Variants in PLPPR4 observed in about 807,000 individuals in gnomAD.
The protein encoded by PLPPR4 is phospholipid phosphatase related 4.
A neutral mutation model predicts 56.6 loss-of-function variants in PLPPR4; 24 were observed. The observed-to-expected ratio is 0.42, with a 90% CI of 0.31 to 0.60. PLPPR4 has a LOEUF of 0.60. PLPPR4 is among the 20% of genes least tolerant of loss of function. The pLI is 0.13. For missense variants in PLPPR4, 654 were observed against 885.8 expected, an observed-to-expected ratio of 0.74 and a Z score of 3.32; for synonymous variants, 326 against 328.1, an observed-to-expected ratio of 0.99 and a Z score of 0.07.
At chr1:99,282,103 T>C (rs779228081) in intron 1 of PLPPR4, among the ~76,000 whole-genome samples, 50 of 152,176 alleles carry the variant, frequency 3.3e-4, no homozygotes, top group Non-Finnish European at 6.3e-4. Flanking sequence ...CCTCTTACTT[T>C]AGTAACTAAG....
Position 99,308,431 on chromosome 1 carries a change from AT to A in PLPPR4, c.*1422del, listed in dbSNP as rs1660102470. 6.6e-6 allele frequency: 1 copy of A among 152,490 alleles called. No individual in the cohort carries two copies. The allele number at this position is 152,490 out of a possible 1,614,324, so 9.4% of individuals were successfully genotyped here. A position where few individuals can be genotyped will look rare whatever the true frequency, so the allele number is the denominator to read the frequency against. ...AACCAATACCATTGATAAGAAGAAGATAAAAACAAAATATTTTGGAGTGTTT... is the reference window on the plus strand; with the variant it reads ...AACCAATACCATTGATAAGAAGAAGAAAAAACAAAATATTTTGGAGTGTTT... On this transcript the variant is annotated 3_prime_UTR_variant, in exon 7 of 7. Coordinates refer to ENST00000370185, the MANE Select transcript of PLPPR4 (RefSeq NM_014839.5).
rs777656523 is a variant in PLPPR4, at chr1:99,307,057, T to A, written c.*47T>A. ...GGGCTACTCGCAAAAGACCATATGT[T>A]GATTCTACCTGTGTTCTGTTCCAGC... On this transcript the variant is annotated 3_prime_UTR_variant, in exon 7 of 7. Transcript: ENST00000370185. 1 of 1,534,990 alleles carries A rather than the reference T, an allele frequency of 6.5e-7. No individual in the cohort carries two copies. Among genetic ancestry groups the A allele is most frequent in the South Asian group, 1.3e-5 (1 of 79,306 alleles).
intron 1 of PLPPR4, among the ~76,000 whole-genome samples, chr1:99,274,877 A>C (rs1023877326): frequency 6.6e-6 from 1 of 152,184 alleles, no homozygotes; most frequent in Non-Finnish European, 1.5e-5. Context: ...TTCAATGCAA[A>C]TTAAATATCT....
At chr1:99,288,283 T>G (rs536201404) in intron 2 of PLPPR4, 133 bp downstream of exon 2, 1 of 689,832 alleles carries the variant, frequency 1.4e-6, no homozygotes, top group African/African-American at 1.8e-5. Flanking sequence ...CTTTGAGATA[T>G]ATTGACAGTA....
intron 4 of PLPPR4, among the ~76,000 whole-genome samples, chr1:99,300,521 G>C (rs1305646165): frequency 6.6e-6 from 1 of 152,006 alleles, no homozygotes; most frequent in Non-Finnish European, 1.5e-5. Flanking sequence ...GTGTTTAGGA[G>C]CATAGAAAAA....
At chr1:99,295,236 A>G (rs1204295665) in intron 2 of PLPPR4, among the ~76,000 whole-genome samples, 1 of 152,206 alleles carries the variant, frequency 6.6e-6, no homozygotes, top group Non-Finnish European at 1.5e-5. Context: ...TTCTACTATG[A>G]TAATTACTCT....
chr1:99,287,921 A>G (rs1570915684), intron 1 of PLPPR4, 44 bp from the exon 2 acceptor site: 2 of 1,499,606 alleles, frequency 1.3e-6, no homozygotes, highest in Non-Finnish European at 9.2e-7. Context: ...TATGCCCTGT[A>G]TATCAGGTAG....
intron 1 of PLPPR4, among the ~76,000 whole-genome samples, chr1:99,270,042 TGTGGC>T: frequency 7.2e-6 from 1 of 138,386 alleles, no homozygotes; most frequent in East Asian, 2.2e-4. Context: ...TGTGTGTGTG[TGTGGC>T]AGGGTCTTGC....
intron 2 of PLPPR4, among the ~76,000 whole-genome samples, chr1:99,295,302 T>G (rs1659715688): frequency 6.6e-6 from 1 of 152,202 alleles, no homozygotes; most frequent in African/African-American, 2.4e-5. Context: ...CCATATTCCC[T>G]ACAGAAGTAA....
chr1:99,304,159 C>T (rs1193604964), intron 6 of PLPPR4, among the ~76,000 whole-genome samples: 1 of 152,096 alleles, frequency 6.6e-6, no homozygotes, highest in Non-Finnish European at 1.5e-5. Context: ...ACCATGGACC[C>T]CATATATAAT....
rs1031940346 is a variant in PLPPR4, at chr1:99,277,403, C to T, written c.79-10562C>T. On this transcript the variant is annotated intron_variant, in intron 1 of 6. Transcript: ENST00000370185. The stretch of plus-strand genomic sequence containing the variant: ...TTCAGTCAGAATTGTGTAAGCTGAA[C>T]CAAGTGAGAGGTCTATGTTGTTGGC... Among the ~76,000 whole-genome samples the T allele has an allele frequency of 7.2e-5, 11 of 152,232 alleles. No individual in the cohort carries two copies. The South Asian group carries it at 2.1e-3, about 29-fold the overall frequency.
chr1:99,283,084 C>T (rs926077011), intron 1 of PLPPR4, among the ~76,000 whole-genome samples: 1 of 151,434 alleles, frequency 6.6e-6, no homozygotes, highest in African/African-American at 2.4e-5. Context: ...TTTATCATAA[C>T]TGTATTCCCA....
intron 6 of PLPPR4, among the ~76,000 whole-genome samples, chr1:99,303,893 G>A (rs1216711496): frequency 6.6e-6 from 1 of 152,168 alleles, no homozygotes; most frequent in Non-Finnish European, 1.5e-5. Flanking sequence ...AGAAATAAAG[G>A]AGACTGGAAA....
intron 3 of PLPPR4, among the ~76,000 whole-genome samples, chr1:99,298,436 A>G (rs576666624): frequency 6.6e-6 from 1 of 152,306 alleles, no homozygotes; most frequent in Admixed American, 6.5e-5. Flanking sequence ...TTGGACCAAG[A>G]TATGTAAGAA....
chr1:99,308,302 A>G lies in PLPPR4; in HGVS notation c.*1292A>G, dbSNP rs1021804722. 1 of 152,220 alleles carries G rather than the reference A, an allele frequency of 6.6e-6. No individual in the cohort carries two copies. The highest frequency in any genetic ancestry group is 1.5e-5 in the Non-Finnish European group (1 of 68,044). 9.4% of individuals were successfully genotyped at this position (152,220 alleles called of 1,614,324 possible). ...AAGTATCTCACGGTACAAATTAAGAATGACTTTCTTCAAAATATCTGAATA... is the reference window on the plus strand; with the variant it reads ...AAGTATCTCACGGTACAAATTAAGAGTGACTTTCTTCAAAATATCTGAATA... On this transcript the variant is annotated 3_prime_UTR_variant, in exon 7 of 7. Coordinates refer to ENST00000370185, the MANE Select transcript of PLPPR4 (RefSeq NM_014839.5).
Position 99,305,823 on chromosome 1 carries a change from A to G in PLPPR4, c.961A>G (p.Ile321Val). The change falls in exon 7 of 7, where the codon ATT becomes GTT. Residue 321 changes from isoleucine to valine, a missense_variant. Coordinates refer to ENST00000370185, the MANE Select transcript of PLPPR4 (RefSeq NM_014839.5). ...TAAAAATGGTAGCAGCAGTGATGGAATTGCTCATACAGAAGGCATCCTCAA... is the reference window on the plus strand; with the variant it reads ...TAAAAATGGTAGCAGCAGTGATGGAGTTGCTCATACAGAAGGCATCCTCAA... ...SAKNGSSSDG[I>V]AHTEGILNRN... is the part of the protein sequence containing the mutation. 1 of 1,614,136 alleles carries G rather than the reference A, an allele frequency of 6.2e-7. No individual in the cohort carries two copies. The highest frequency in any genetic ancestry group is 8.5e-7 in the Non-Finnish European group (1 of 1,180,010).
intron 1 of PLPPR4, among the ~76,000 whole-genome samples, chr1:99,278,000 A>G (rs1659234098): frequency 6.6e-6 from 1 of 152,112 alleles, no homozygotes; most frequent in Admixed American, 6.6e-5. Flanking sequence ...TTAAGATCTT[A>G]CCTTTTTAGA....
Position 99,306,828 on chromosome 1 carries a change from C to T in PLPPR4, c.1966C>T (p.Arg656Cys), listed in dbSNP as rs201581157. ...TCACCACCACGGAATTACCACCATC[C>T]GCGTCACCCCAGTAGAGGGCAGCGA... is the stretch of plus-strand genomic sequence containing the variant. ...EHHHHGITTI[R>C]VTPVEGSEIG... Residue 656 changes from arginine (R) to cysteine (C), a missense_variant, in exon 7 of 7, where the codon CGC (arginine) becomes TGC (cysteine). Physicochemically the swap from Arg to Cys is radical, Grantham distance 180. Around this residue, in one of 2 missense-constraint regions of PLPPR4, gnomAD observed 468 missense variants for 554.3 expected, o/e 0.84. Coordinates refer to ENST00000370185, the MANE Select transcript of PLPPR4 (RefSeq NM_014839.5). The surrounding 1 kb of genome is among the most constrained non-coding windows in gnomAD (Gnocchi z 4.0). 5 of 1,614,052 alleles carry T rather than the reference C, an allele frequency of 3.1e-6. No individual in the cohort carries two copies. Among genetic ancestry groups the T allele is most frequent in the African/African-American group, 2.7e-5 (2 of 75,028 alleles).
chr1:99,298,757 C>T, intron 3 of PLPPR4: 1 of 596,426 alleles, frequency 1.7e-6, no homozygotes, highest in Non-Finnish European at 2.9e-6. Flanking sequence ...TTCCAAGTGT[C>T]TTGACAAGTG....
Sources: allele counts gnomAD v4.1 joint callset (sites outside exome capture counted in the v4.1 genomes callset), GRCh38; gene constraint gnomAD v4.1.1; regional missense constraint gnomAD v4.1.1; non-coding constraint Gnocchi (gnomAD v3.1); transcripts MANE v1.5; gene names NCBI Gene and HGNC (gene_info 2026-07-23, HGNC 2026-07-21).